GADL1: variants seen among roughly 807,000 people sequenced by gnomAD.
The protein encoded by GADL1 is GAD like acidic amino acid decarboxylase 1, also known as acidic amino acid decarboxylase GADL1.
GADL1 carries 71 observed loss-of-function variants against 69.5 expected under a neutral mutation model. The observed-to-expected ratio is 1.02, with a 90% CI of 0.84 to 1.25. GADL1 has a LOEUF of 1.25. Among genes scored for constraint, GADL1 ranks in the 50% most tolerant of loss-of-function variants. GADL1 has a pLI of 0.00. For synonymous variants in GADL1, 254 were observed against 214.4 expected (o/e 1.18, Z -1.62); for missense variants, 737 against 631.8 (o/e 1.17, Z -1.79).
intron 11 of GADL1, among the ~76,000 whole-genome samples, chr3:30,829,764 G>T (rs1697754547): frequency 1.3e-5 from 2 of 151,840 alleles, no homozygotes; most frequent in Admixed American, 1.3e-4. Context: ...ATACTTGCTA[G>T]GCACTGACAA....
intron 1 of GADL1, 120 bp downstream of exon 1, chr3:30,894,458 C>T (rs989753153): frequency 2.8e-6 from 2 of 705,658 alleles, no homozygotes; most frequent in Non-Finnish European, 4.6e-6. Context: ...GACTTTCTAC[C>T]CACCCCAGCC....
chr3:30,806,953 A>C (rs1365868524), intron 11 of GADL1, among the ~76,000 whole-genome samples: 1 of 152,220 alleles, frequency 6.6e-6, no homozygotes, highest in Non-Finnish European at 1.5e-5. Flanking sequence ...TGGCAGAATA[A>C]AGTGAGAATC....
At position 30,778,232 on chromosome 3, in the gene GADL1, G is replaced by C; in HGVS notation, c.1339C>G (p.Pro447Ala). The C allele has an allele frequency of 6.2e-7, 1 of 1,612,478 alleles. No individual in the cohort carries two copies. Among genetic ancestry groups the C allele is most frequent in the Non-Finnish European group, 8.5e-7 (1 of 1,178,722 alleles). The change falls in exon 14 of 15, where the codon CCG becomes GCG. Residue 447 changes from proline (P) to alanine (A), a missense_variant. By Grantham distance (27) the Pro-to-Ala change is conservative. Transcript: ENST00000282538. ...CCTTCTTCCATCTCTCTGAGGCTCG[G>C]TGGAATGTACCAAAAGCAAATATTG... ...YANICFWYIP[P>A]SLREMEEGPE...
At chr3:30,816,368 A>G (rs1697469652) in intron 11 of GADL1, among the ~76,000 whole-genome samples, 1 of 151,874 alleles carries the variant, frequency 6.6e-6, no homozygotes, top group African/African-American at 2.4e-5. Context: ...AGGAAAATAA[A>G]TGCATTCTTA....
At chr3:30,847,146 CT>C (rs1365016480) in intron 6 of GADL1, among the ~76,000 whole-genome samples, 1 of 152,198 alleles carries the variant, frequency 6.6e-6, no homozygotes, top group East Asian at 1.9e-4. Context: ...AGATTTATTA[CT>C]TTTATTTCTC....
chr3:30,872,600 C>T (rs1037923708), intron 1 of GADL1, among the ~76,000 whole-genome samples: 1 of 151,898 alleles, frequency 6.6e-6, no homozygotes, highest in Non-Finnish European at 1.5e-5. Context: ...AACCACCCTT[C>T]CCCTAGGACA....
intron 12 of GADL1, among the ~76,000 whole-genome samples, chr3:30,786,790 G>GT (rs964032884): frequency 3.3e-5 from 5 of 152,004 alleles, no homozygotes; most frequent in African/African-American, 1.2e-4. Context: ...TTTTTGTTTT[G>GT]TTTTGTTTTG....
rs568254209 is a variant in GADL1, at chr3:30,801,944, C to T, written c.1051-856G>A. 1.7e-4 allele frequency among the ~76,000 whole-genome samples: 26 copies of T among 152,308 alleles called. No individual in the cohort carries two copies. In the South Asian group the frequency reaches 5.4e-3, roughly 32 times the overall value. On this transcript the variant is annotated intron_variant, in intron 11 of 14. Transcript: ENST00000282538. ...ATGTCCTTGAACCACTACATCCTGT[C>T]TCATCTATGTCTTGTCTTATACCAT...
At chr3:30,838,684 T>C (rs1697912485) in intron 9 of GADL1, among the ~76,000 whole-genome samples, 1 of 152,066 alleles carries the variant, frequency 6.6e-6, no homozygotes. Flanking sequence ...AACCAAAGTC[T>C]CTCGGCTCCC....
chr3:30,846,949 A>G (rs1698068356), intron 6 of GADL1, among the ~76,000 whole-genome samples: 1 of 152,178 alleles, frequency 6.6e-6, no homozygotes, highest in African/African-American at 2.4e-5. Flanking sequence ...AAGCCCTGCT[A>G]GAGAGGAGCT....
chr3:30,842,474 T>G (rs1476389478), intron 8 of GADL1, among the ~76,000 whole-genome samples: 2 of 152,036 alleles, frequency 1.3e-5, no homozygotes, highest in African/African-American at 2.4e-5. Flanking sequence ...TTTTTGTGTG[T>G]TTTGGTTTTT....
chr3:30,755,860 T>TAAC (rs58360894), intron 14 of GADL1, among the ~76,000 whole-genome samples: 3,497 of 152,246 alleles, frequency 0.023, 134 homozygotes, highest in African/African-American at 0.079. Flanking sequence ...TTTGCATACA[T>TAAC]AACATTCATA....
intron 1 of GADL1, among the ~76,000 whole-genome samples, chr3:30,866,694 A>G (rs1575240984): frequency 6.6e-6 from 1 of 152,008 alleles, no homozygotes; most frequent in African/African-American, 2.4e-5. Flanking sequence ...AGAACGCAAG[A>G]TGGTAGCTGA....
chr3:30,782,053 C>T (rs1243830878), intron 13 of GADL1, among the ~76,000 whole-genome samples: 1 of 152,128 alleles, frequency 6.6e-6, no homozygotes, highest in Non-Finnish European at 1.5e-5. Flanking sequence ...AAGAAAATGA[C>T]ACTTTCTGAA....
chr3:30,843,722 A>G (rs955629941), intron 8 of GADL1, among the ~76,000 whole-genome samples: 8 of 152,204 alleles, frequency 5.3e-5, no homozygotes, highest in Admixed American at 4.6e-4. Flanking sequence ...CAGACCCAAC[A>G]GGGGTTGATA....
chr3:30,871,925 G>C (rs769546023), intron 1 of GADL1, among the ~76,000 whole-genome samples: 1 of 150,402 alleles, frequency 6.6e-6, no homozygotes, highest in African/African-American at 2.5e-5. Context: ...TCTTTCACTG[G>C]GCACAAGGCC....
intron 14 of GADL1, among the ~76,000 whole-genome samples, chr3:30,730,439 T>C (rs2125468139): frequency 6.6e-6 from 1 of 152,326 alleles, no homozygotes; most frequent in South Asian, 2.1e-4. Flanking sequence ...AGACTGATTC[T>C]GCACGGAGAT....
intron 14 of GADL1, among the ~76,000 whole-genome samples, chr3:30,730,359 A>G (rs983379063): frequency 6.6e-6 from 1 of 152,202 alleles, no homozygotes; most frequent in African/African-American, 2.4e-5. Context: ...GAAAGAAGAG[A>G]TAAAGGGGGA....
At chr3:30,782,842 T>TG (rs1696696542) in intron 13 of GADL1, among the ~76,000 whole-genome samples, 1 of 152,128 alleles carries the variant, frequency 6.6e-6, no homozygotes, top group Admixed American at 6.5e-5. Context: ...GAGTGATGAA[T>TG]GGGTAACATA....
Sources: gnomAD v4.1 joint callset for allele counts (sites outside exome capture counted in the v4.1 genomes callset) on GRCh38, gnomAD v4.1.1 for gene constraint, MANE v1.5 for transcripts, NCBI Gene and HGNC (gene_info 2026-07-23, HGNC 2026-07-21) for gene names.